Variants in FOCAD observed in about 807,000 individuals in gnomAD.
FOCAD encodes focadhesin.
FOCAD carries 198 observed loss-of-function variants against 225.6 expected under a neutral mutation model. The ratio of observed to expected loss-of-function variants is 0.88; its 90% CI spans 0.78 to 0.99. FOCAD has a LOEUF of 0.99. Ranked by LOEUF, FOCAD falls within the 50% of genes least tolerant of loss-of-function variation. The pLI, the probability that FOCAD is intolerant of heterozygous loss-of-function variation, is 0.00. For synonymous variants in FOCAD, 897 were observed against 755.0 expected (o/e 1.19, Z -3.08); for missense variants, 2,713 against 2,123.6 (o/e 1.28, Z -5.46).
At chr9:20,889,532 C>G (rs1163667139) in intron 21 of FOCAD, among the ~76,000 whole-genome samples, 1 of 152,124 alleles carries the variant, frequency 6.6e-6, no homozygotes, top group African/African-American at 2.4e-5. Context: ...GGCACTTCTG[C>G]AAAAATCACT....
chr9:20,931,921 G>GT (rs1835515164), intron 27 of FOCAD, among the ~76,000 whole-genome samples: 2 of 151,136 alleles, frequency 1.3e-5, no homozygotes, highest in African/African-American at 4.9e-5. Flanking sequence ...AAAAAAAAAG[G>GT]GGGGGAGAAT....
intron 1 of FOCAD, among the ~76,000 whole-genome samples, chr9:20,686,541 G>C (rs1361064793): frequency 6.6e-6 from 1 of 152,204 alleles, no homozygotes; most frequent in Non-Finnish European, 1.5e-5. Flanking sequence ...ATATTTGGAG[G>C]AAGTGTAAGG....
chr9:20,742,654 C>G (rs983279812), intron 5 of FOCAD, among the ~76,000 whole-genome samples: 1 of 152,202 alleles, frequency 6.6e-6, no homozygotes, highest in Admixed American at 6.5e-5. Flanking sequence ...TTCTATAATG[C>G]AGAGAATTTG....
At chr9:20,678,824 T>C (rs1822313596) in intron 2 of FOCAD, among the ~76,000 whole-genome samples, 1 of 152,242 alleles carries the variant, frequency 6.6e-6, no homozygotes, top group South Asian at 2.1e-4. Flanking sequence ...CCAATGTTAC[T>C]GCGTCTCCCT....
chr9:20,855,472 A>T (rs1478631631), intron 15 of FOCAD, among the ~76,000 whole-genome samples: 2 of 151,566 alleles, frequency 1.3e-5, no homozygotes, highest in Admixed American at 1.3e-4. Context: ...AAATTTAGTT[A>T]TGAGTACATA....
intron 6 of FOCAD, among the ~76,000 whole-genome samples, chr9:20,764,077 A>G (rs1829849422): frequency 6.6e-6 from 1 of 152,162 alleles, no homozygotes; most frequent in Non-Finnish European, 1.5e-5. Context: ...CAGTAACTTG[A>G]ACACTGTAAG....
intron 4 of FOCAD, among the ~76,000 whole-genome samples, chr9:20,725,448 A>T (rs1031277679): frequency 4.6e-5 from 7 of 152,240 alleles, no homozygotes; most frequent in African/African-American, 1.7e-4. Context: ...AGGGGGGTGG[A>T]TAGAAAAAGC....
At chr9:20,974,972 T>C (rs1224922364) in intron 35 of FOCAD, among the ~76,000 whole-genome samples, 1 of 152,216 alleles carries the variant, frequency 6.6e-6, no homozygotes, top group African/African-American at 2.4e-5. Context: ...TTCCTTTTGC[T>C]GACTCTACTT....
chr9:20,993,396 G>A, intron 43 of FOCAD, 68 bp downstream of exon 43: 1 of 1,306,706 alleles, frequency 7.7e-7, no homozygotes, highest in Non-Finnish European at 1.1e-6. Flanking sequence ...GAGCAGAATG[G>A]CATTCTAGTG....
chr9:20,921,490 C>T (rs1231920596), intron 24 of FOCAD, among the ~76,000 whole-genome samples: 2 of 152,108 alleles, frequency 1.3e-5, no homozygotes, highest in Non-Finnish European at 2.9e-5. Flanking sequence ...CCAGCTCCTC[C>T]TTGAATTTGT....
intron 21 of FOCAD, among the ~76,000 whole-genome samples, chr9:20,898,107 T>TAA (rs1832253613): frequency 6.6e-6 from 1 of 151,886 alleles, no homozygotes; most frequent in Non-Finnish European, 1.5e-5. Flanking sequence ...ATATAACACT[T>TAA]ATCTTTGCTT....
At position 20,837,520 on chromosome 9, in the gene FOCAD, G is replaced by C. The variant is rs1168894850; in HGVS notation, c.1920+14405G>C. ...CCATTCCAGTGAATAAAATATACTG[G>C]TTTAAGCTTATATAATGGGTAGGGT... On this transcript the variant is annotated intron_variant, in intron 15 of 43. Coordinates refer to ENST00000338382, the MANE Select transcript of FOCAD (RefSeq NM_001375567.1). Among the ~76,000 whole-genome samples, 3 of 151,688 alleles carry C rather than the reference G, an allele frequency of 2.0e-5. No individual in the cohort carries two copies. The East Asian group carries it at 5.8e-4, about 29-fold the overall frequency.
Position 20,982,354 on chromosome 9 carries a change from C to G in FOCAD, c.4639-3C>G. On this transcript the variant is annotated splice_polypyrimidine_tract_variant and splice_region_variant and intron_variant, in intron 38 of 43. Coordinates refer to ENST00000338382, the MANE Select transcript of FOCAD (RefSeq NM_001375567.1). ...TGACATGTTTGGGATTTTTCTTTATCAGAGAAAGGATCTAGAGCTGTATAT... is the reference window on the plus strand; with the variant it reads ...TGACATGTTTGGGATTTTTCTTTATGAGAGAAAGGATCTAGAGCTGTATAT... 1 of 1,603,474 alleles carries G rather than the reference C, an allele frequency of 6.2e-7. No individual in the cohort carries two copies. The highest frequency in any genetic ancestry group is 8.5e-7 in the Non-Finnish European group (1 of 1,172,826).
At chr9:20,787,166 T>C (rs1820007296) in intron 10 of FOCAD, 1 of 164,346 alleles carries the variant, frequency 6.1e-6, no homozygotes, top group African/African-American at 2.4e-5. Flanking sequence ...TGCTTTTCTG[T>C]TTCATTGTTT....
At chr9:20,970,012 A>G (rs1028499602) in intron 35 of FOCAD, among the ~76,000 whole-genome samples, 27 of 146,546 alleles carry the variant, frequency 1.8e-4, no homozygotes, top group Non-Finnish European at 2.2e-4. Context: ...TTCTTTCAGT[A>G]AAAGGTGTTA....
intron 11 of FOCAD, among the ~76,000 whole-genome samples, chr9:20,817,370 T>C (rs555827339): frequency 1.1e-4 from 16 of 152,198 alleles, no homozygotes; most frequent in African/African-American, 3.6e-4. Flanking sequence ...GTTTCACCCT[T>C]CCTGACCACC....
intron 20 of FOCAD, among the ~76,000 whole-genome samples, chr9:20,882,282 C>G (rs1400397952): frequency 6.6e-6 from 1 of 152,204 alleles, no homozygotes; most frequent in African/African-American, 2.4e-5. Context: ...GAACTGTTTT[C>G]TCCCCACCTT....
chr9:20,699,351 T>C (rs1039786465), intron 1 of FOCAD, among the ~76,000 whole-genome samples: 1 of 152,200 alleles, frequency 6.6e-6, no homozygotes, highest in African/African-American at 2.4e-5. Context: ...GTTCATCTAG[T>C]TGGTCATTTA....
intron 18 of FOCAD, among the ~76,000 whole-genome samples, chr9:20,873,604 C>G (rs1829984180): frequency 6.6e-6 from 1 of 152,114 alleles, no homozygotes; most frequent in Admixed American, 6.6e-5. Context: ...CTCGGGTAGT[C>G]AGGTTGCTTT....
Sources: gnomAD v4.1 joint callset for allele counts (sites outside exome capture counted in the v4.1 genomes callset) on GRCh38, gnomAD v4.1.1 for gene constraint, MANE v1.5 for transcripts, NCBI Gene and HGNC (gene_info 2026-07-23, HGNC 2026-07-21) for gene names.